The following HS6ST2 variants were observed in gnomAD, a reference collection of about 807,000 sequenced individuals.
HS6ST2 encodes the protein heparan sulfate 6-O-sulfotransferase 2.
HS6ST2 carries 17 observed loss-of-function variants against 33.0 expected under a neutral mutation model. That is an observed-to-expected ratio of 0.52 (90% CI 0.35 to 0.77). The LOEUF (loss-of-function observed/expected upper bound fraction) is 0.77, where lower values mean the gene tolerates loss of function less well. HS6ST2 is among the 30% of genes least tolerant of loss of function. HS6ST2 has a pLI of 0.01. For synonymous variants in HS6ST2, 248 were observed against 237.1 expected (o/e 1.05, Z -0.42); for missense variants, 519 against 551.7 (o/e 0.94, Z 0.59).
At chrX:132,820,176 C>CA (rs1430095170) in intron 2 of HS6ST2, among the ~76,000 whole-genome samples, 1 of 104,340 alleles carries the variant, frequency 9.6e-6, no homozygotes, top group East Asian at 2.9e-4. Flanking sequence ...CTATTGAAGG[C>CA]AAGCAGACTA....
At chrX:132,935,738 G>GA (rs781495147) in intron 2 of HS6ST2, among the ~76,000 whole-genome samples, 2 of 110,147 alleles carry the variant, frequency 1.8e-5, no homozygotes, top group Admixed American at 9.8e-5. Context: ...ATAAGTCAAG[G>GA]AAAAAATCAC....
At chrX:132,747,118 A>T (rs765088906) in intron 2 of HS6ST2, among the ~76,000 whole-genome samples, 25 of 112,062 alleles carry the variant, frequency 2.2e-4, no homozygotes, top group African/African-American at 8.1e-4. Flanking sequence ...AGATGAGTCA[A>T]CCATGACAGA....
rs7880694 is a variant in HS6ST2, at chrX:132,897,892, C to T, written c.947+58916G>A. Among the ~76,000 whole-genome samples, 378 of 111,601 alleles carry T rather than the reference C, an allele frequency of 3.4e-3. 1 individual carries two copies. Among genetic ancestry groups the T allele is most frequent in the African/African-American group, 0.012 (356 of 30,748 alleles). Reference sequence around the variant, plus strand: ...ATCCCCTTAACCATGATGCTGTTAGCCTGAGTGACTCAAAGTTATAAATCA... The same window carrying T: ...ATCCCCTTAACCATGATGCTGTTAGTCTGAGTGACTCAAAGTTATAAATCA... On this transcript the variant is annotated intron_variant, in intron 2 of 4. Transcript: ENST00000370833.
At chrX:132,689,530 A>G (rs2064044194) in intron 3 of HS6ST2, among the ~76,000 whole-genome samples, 1 of 112,083 alleles carries the variant, frequency 8.9e-6, no homozygotes, top group Non-Finnish European at 1.9e-5. Context: ...TCTCATTTTG[A>G]ATTACTGGGA....
chrX:132,945,763 C>A (rs2148499435), intron 2 of HS6ST2, among the ~76,000 whole-genome samples: 1 of 102,722 alleles, frequency 9.7e-6, no homozygotes, highest in Non-Finnish European at 2.0e-5. Context: ...GGACAAAAAA[C>A]CAAACATCAC....
intron 2 of HS6ST2, among the ~76,000 whole-genome samples, chrX:132,792,969 C>G (rs2065131854): frequency 9.3e-6 from 1 of 107,304 alleles, no homozygotes; most frequent in African/African-American, 3.4e-5. Flanking sequence ...ACTTAGCACC[C>G]AAAATCAGGT....
chrX:132,703,589 A>G (rs1602592297), intron 3 of HS6ST2, among the ~76,000 whole-genome samples: 2 of 112,189 alleles, frequency 1.8e-5, no homozygotes, highest in Non-Finnish European at 3.8e-5. Context: ...TTTACAACTA[A>G]TTCTCCTGAC....
chrX:132,846,469 A>G (rs1455803401), intron 2 of HS6ST2, among the ~76,000 whole-genome samples: 1 of 112,156 alleles, frequency 8.9e-6, no homozygotes, highest in African/African-American at 3.2e-5. Flanking sequence ...CAATGTGGTC[A>G]TTAAGTCAGC....
At chrX:132,806,580 C>T (rs5977756) in intron 2 of HS6ST2, among the ~76,000 whole-genome samples, 8,014 of 109,880 alleles carry the variant, frequency 0.073, 678 homozygotes, top group African/African-American at 0.22. Context: ...TCTATCACAA[C>T]CACTCAACTC....
intron 2 of HS6ST2, among the ~76,000 whole-genome samples, chrX:132,901,845 T>C (rs2066428674): frequency 3.6e-5 from 4 of 110,834 alleles, no homozygotes; most frequent in Non-Finnish European, 5.7e-5. Context: ...GCTAGAGAGA[T>C]ATGTTGAGGG....
intron 2 of HS6ST2, among the ~76,000 whole-genome samples, chrX:132,742,522 G>T (rs1336508640): frequency 9.0e-6 from 1 of 111,561 alleles, no homozygotes; most frequent in African/African-American, 3.3e-5. Context: ...AGAGCCCATT[G>T]CATAAAGGCC....
chrX:132,832,857 A>G (rs970113837), intron 2 of HS6ST2, among the ~76,000 whole-genome samples: 3 of 111,719 alleles, frequency 2.7e-5, no homozygotes, highest in Admixed American at 9.5e-5. Flanking sequence ...TGTAAAGTGT[A>G]CCATTCAGTG....
intron 2 of HS6ST2, among the ~76,000 whole-genome samples, chrX:132,858,082 T>C (rs1443974702): frequency 2.7e-5 from 3 of 111,779 alleles, no homozygotes; most frequent in Non-Finnish European, 5.6e-5. Flanking sequence ...TCTTTGCTCA[T>C]GGAGAGAAGT....
chrX:132,847,291 G>T (rs946258850), intron 2 of HS6ST2, among the ~76,000 whole-genome samples: 4 of 111,107 alleles, frequency 3.6e-5, no homozygotes, highest in African/African-American at 1.3e-4. Context: ...TGTCATGGGG[G>T]GCTGTTTTGT....
At chrX:132,856,362 T>C (rs969770379) in intron 2 of HS6ST2, among the ~76,000 whole-genome samples, 10 of 112,301 alleles carry the variant, frequency 8.9e-5, no homozygotes, top group Admixed American at 7.6e-4. Context: ...TAGGTAAGTA[T>C]GTGTAGGAAA....
chrX:132,740,554 G>T (rs746935079), intron 2 of HS6ST2, among the ~76,000 whole-genome samples: 1 of 111,924 alleles, frequency 8.9e-6, no homozygotes, highest in Non-Finnish European at 1.9e-5. Flanking sequence ...AAGAGCTAAT[G>T]AGCAGCAAAG....
intron 2 of HS6ST2, among the ~76,000 whole-genome samples, chrX:132,847,836 C>T (rs888659504): frequency 2.7e-5 from 3 of 111,984 alleles, no homozygotes; most frequent in East Asian, 2.8e-4. Context: ...CATAAAGCTC[C>T]GAAGGGCTGG....
At chrX:132,629,215 A>T in intron 4 of HS6ST2, 122 bp from the exon 5 acceptor site, 3 of 735,966 alleles carry the variant, frequency 4.1e-6, no homozygotes, top group South Asian at 5.5e-5. Flanking sequence ...AATGACAGGG[A>T]TCTGATGGCA....
At chrX:132,661,943 C>T (rs2063777305) in intron 4 of HS6ST2, among the ~76,000 whole-genome samples, 1 of 107,521 alleles carries the variant, frequency 9.3e-6, no homozygotes. Flanking sequence ...CATGATTGCA[C>T]CACTGTACTC....
Sources: gnomAD v4.1 joint callset for allele counts (sites outside exome capture counted in the v4.1 genomes callset) on GRCh38, gnomAD v4.1.1 for gene constraint, MANE v1.5 for transcripts, NCBI Gene and HGNC (gene_info 2026-07-23, HGNC 2026-07-21) for gene names.